Variants in KIAA1217 observed in about 807,000 individuals in gnomAD.
KIAA1217 encodes KIAA1217.
A neutral mutation model predicts 163.9 loss-of-function variants in KIAA1217; 88 were observed. The ratio of observed to expected loss-of-function variants is 0.54; its 90% CI spans 0.45 to 0.64. The LOEUF is 0.64. Among genes scored for constraint, KIAA1217 ranks in the 30% least tolerant of loss-of-function variants. The pLI is 0.00. For missense variants in KIAA1217, 2,372 were observed against 2,475.0 expected (o/e 0.96, Z 0.88); for synonymous variants, 903 against 923.1 (o/e 0.98, Z 0.39).
At chr10:24,073,171 C>G (rs2061249538) in intron 2 of KIAA1217, among the ~76,000 whole-genome samples, 1 of 152,084 alleles carries the variant, frequency 6.6e-6, no homozygotes, top group South Asian at 2.1e-4. Flanking sequence ...CAGCTCAGGC[C>G]TGAATTCGGG....
At chr10:24,203,936 C>A (rs967918571), upstream of KIAA1217, among the ~76,000 whole-genome samples, 1 of 152,222 alleles carries the variant, frequency 6.6e-6, no homozygotes, top group Admixed American at 6.5e-5. Flanking sequence ...TGCACAGATG[C>A]CAGCTCTGGC....
intron 1 of KIAA1217, among the ~76,000 whole-genome samples, chr10:23,791,672 C>A (rs1835956649): frequency 6.6e-6 from 1 of 152,174 alleles, no homozygotes; most frequent in African/African-American, 2.4e-5. Context: ...CATTTGTGTT[C>A]ATGTGGTGTA....
In KIAA1217 at chr10:24,445,647, T is replaced by C. The variant is rs540399729; in HGVS notation, c.846+7168T>C. Among the ~76,000 whole-genome samples, 251 of 151,204 alleles carry C rather than the reference T, an allele frequency of 1.7e-3. 2 individuals are homozygous for C. Among genetic ancestry groups the C allele is most frequent in the African/African-American group, 5.9e-3 (242 of 41,164 alleles). On this transcript the variant is annotated intron_variant, in intron 5 of 20. Transcript: ENST00000376454. ...CATGCGGTCTTTGGTTTTTTGTCCT[T>C]GCGATAGTTTGCTGAGAATGATGGT...
At chr10:24,525,265 G>T (rs909808601) in intron 13 of KIAA1217, among the ~76,000 whole-genome samples, 1 of 152,208 alleles carries the variant, frequency 6.6e-6, no homozygotes, top group South Asian at 2.1e-4. Flanking sequence ...CTCCACTGAG[G>T]TGAAGGCAGC....
chr10:24,032,169 T>G (rs1347132925), intron 2 of KIAA1217, among the ~76,000 whole-genome samples: 1 of 152,210 alleles, frequency 6.6e-6, no homozygotes, highest in Non-Finnish European at 1.5e-5. Flanking sequence ...AAACTTGAAA[T>G]TATACCAATG....
Position 24,501,361 on chromosome 10 carries a change from G to A in KIAA1217, c.1835-18G>A. ...TCCTTTGTGGCCTTCTGAGTTCTCT[G>A]ATGCACTTTTCTCATAGGAACGCCC... On this transcript the variant is annotated intron_variant, in intron 8 of 20. Transcript: ENST00000376454. The A allele has an allele frequency of 6.3e-7, 1 of 1,599,734 alleles. No homozygotes were observed. The highest frequency in any genetic ancestry group is 1.1e-5 in the South Asian group (1 of 90,490).
At chr10:24,484,969 C>A (rs530526929) in intron 6 of KIAA1217, among the ~76,000 whole-genome samples, 2 of 152,096 alleles carry the variant, frequency 1.3e-5, no homozygotes, top group Non-Finnish European at 2.9e-5. Flanking sequence ...CTGGAGCCTT[C>A]CCTAAGTGCA....
intron 1 of KIAA1217, among the ~76,000 whole-genome samples, chr10:23,952,875 T>A (rs972384482): frequency 6.6e-6 from 1 of 152,236 alleles, no homozygotes; most frequent in African/African-American, 2.4e-5. Flanking sequence ...ATTTCAAGCA[T>A]GAGGACTTGG....
chr10:24,317,157 A>G (rs559365290), intron 2 of KIAA1217, among the ~76,000 whole-genome samples: 1 of 152,336 alleles, frequency 6.6e-6, no homozygotes, highest in African/African-American at 2.4e-5. Flanking sequence ...AAAACTGTAT[A>G]TGAGAGCAGA....
chr10:23,892,092 C>G (rs534641323), intron 1 of KIAA1217, among the ~76,000 whole-genome samples: 1 of 151,836 alleles, frequency 6.6e-6, no homozygotes, highest in East Asian at 1.9e-4. Flanking sequence ...ATAACACACA[C>G]TATATATTTC....
intron 1 of KIAA1217, among the ~76,000 whole-genome samples, chr10:23,941,296 G>C (rs1564551251): frequency 6.6e-6 from 1 of 152,146 alleles, no homozygotes; most frequent in Non-Finnish European, 1.5e-5. Flanking sequence ...AGGCTTCTGG[G>C]TTCACGAATG....
intron 2 of KIAA1217, among the ~76,000 whole-genome samples, chr10:24,377,982 G>A (rs1275140926): frequency 6.6e-6 from 1 of 152,194 alleles, no homozygotes; most frequent in African/African-American, 2.4e-5. Context: ...GGGAAGCCCA[G>A]GAGACCCCAG....
At chr10:23,711,860 C>T (rs1310333761) in intron 1 of KIAA1217, among the ~76,000 whole-genome samples, 3 of 152,130 alleles carry the variant, frequency 2.0e-5, no homozygotes, top group Non-Finnish European at 2.9e-5. Flanking sequence ...GAGGCTCACA[C>T]AACCCTTGAA....
At chr10:24,445,830 G>A (rs1314643954) in intron 5 of KIAA1217, among the ~76,000 whole-genome samples, 16 of 152,022 alleles carry the variant, frequency 1.1e-4, no homozygotes, top group South Asian at 6.2e-4. Flanking sequence ...GAATAGTGCC[G>A]CAATAAACAT....
chr10:24,471,377 C>T (rs1194602813), intron 5 of KIAA1217, among the ~76,000 whole-genome samples: 3 of 152,144 alleles, frequency 2.0e-5, no homozygotes, highest in African/African-American at 7.2e-5. Flanking sequence ...GAGCCTGTCT[C>T]TCCTTCCCTC....
Position 24,034,385 on chromosome 10 carries a change from T to A in KIAA1217, c.-171+27011T>A, listed in dbSNP as rs181516775. ...GACCAGCCTGGGCAACATGGCAAAA[T>A]CCCAACTCTACAAAAAATACAAAAA... On this transcript the variant is annotated intron_variant, in intron 2 of 18. Coordinates refer to the KIAA1217 transcript ENST00000376462. Among the ~76,000 whole-genome samples the A allele has an allele frequency of 3.5e-3, 529 of 150,892 alleles. 6 individuals carry two copies. Among genetic ancestry groups the A allele is most frequent in the African/African-American group, 0.012 (501 of 41,144 alleles).
At chr10:24,083,616 A>C (rs1340639472) in intron 2 of KIAA1217, among the ~76,000 whole-genome samples, 1 of 152,212 alleles carries the variant, frequency 6.6e-6, no homozygotes, top group Admixed American at 6.5e-5. Flanking sequence ...TAGCACTTTA[A>C]ATTTTGGAGT....
intron 1 of KIAA1217, among the ~76,000 whole-genome samples, chr10:23,860,447 A>T: frequency 6.6e-6 from 1 of 152,252 alleles, no homozygotes; most frequent in African/African-American, 2.4e-5. Flanking sequence ...CCCTTGCCCC[A>T]TGTAAAAGGT....
intron 3 of KIAA1217, among the ~76,000 whole-genome samples, chr10:24,410,788 G>A (rs553108913): frequency 1.3e-5 from 2 of 152,154 alleles, no homozygotes; most frequent in Non-Finnish European, 2.9e-5. Flanking sequence ...ATTAGAAACT[G>A]GATTGCCCTT....
Sources: gnomAD v4.1 joint callset for allele counts (sites outside exome capture counted in the v4.1 genomes callset) on GRCh38, gnomAD v4.1.1 for gene constraint, MANE v1.5 for transcripts, NCBI Gene and HGNC (gene_info 2026-07-23, HGNC 2026-07-21) for gene names.